The following SLC18A1 variants were observed in gnomAD, a reference collection of about 807,000 sequenced individuals.
SLC18A1 encodes the protein solute carrier family 18 member A1.
Under a neutral mutation model 53.7 loss-of-function variants are expected in SLC18A1, and 69 were observed. The ratio of observed to expected loss-of-function variants is 1.28; its 90% confidence interval spans 1.06 to 1.57. The LOEUF (loss-of-function observed/expected upper bound fraction) is 1.57, where lower values mean the gene tolerates loss of function less well. Ranked by LOEUF, SLC18A1 falls within the 40% of genes most tolerant of loss-of-function variation. SLC18A1 has a pLI of 0.00. For synonymous variants in SLC18A1, 320 were observed against 248.1 expected, an observed-to-expected ratio of 1.29 and a Z score of -2.72; for missense variants, 932 against 668.1, an observed-to-expected ratio of 1.40 and a Z score of -4.35.
chr8:20,158,631 G>T (rs1371254951), intron 10 of SLC18A1, among the ~76,000 whole-genome samples: 2 of 152,170 alleles, frequency 1.3e-5, no homozygotes, highest in African/African-American at 2.4e-5. Flanking sequence ...CCAAGGCCTT[G>T]TAAAACTATG....
At chr8:20,147,517 ACCCTAGGAGGATAGCT>A in intron 14 of SLC18A1, 70 bp downstream of exon 14, 1 of 1,594,084 alleles carries the variant, frequency 6.3e-7, no homozygotes, top group Non-Finnish European at 8.6e-7. Flanking sequence ...GATCTCCAGA[ACCCTAGGAGGATAGCT>A]TCCTGGCTGC....
intron 4 of SLC18A1, among the ~76,000 whole-genome samples, chr8:20,177,657 A>G (rs7002781): frequency 0.21 from 31,198 of 152,112 alleles, 3,350 homozygotes; most frequent in African/African-American, 0.23. Context: ...AAAGAAAAGA[A>G]AAGAAAAACG....
intron 1 of SLC18A1, 37 bp downstream of exon 1, chr8:20,183,026 G>A (rs1475473455): frequency 6.6e-6 from 1 of 152,122 alleles, no homozygotes; most frequent in Non-Finnish European, 1.5e-5. Flanking sequence ...AAATCACAAG[G>A]AAAGATTAAA....
chr8:20,149,536 A>T, intron 12 of SLC18A1, 140 bp downstream of exon 12: 1 of 676,734 alleles, frequency 1.5e-6, no homozygotes, highest in Non-Finnish European at 2.5e-6. Flanking sequence ...ATCTCTGCTC[A>T]TCTTAAAGGA....
At chr8:20,176,723 G>A (rs1254691170) in intron 4 of SLC18A1, among the ~76,000 whole-genome samples, 1 of 152,022 alleles carries the variant, frequency 6.6e-6, no homozygotes, top group South Asian at 2.1e-4. Flanking sequence ...GTTAGAATTA[G>A]GCCAACTCCA....
At chr8:20,155,768 A>G (rs1252128246) in intron 10 of SLC18A1, among the ~76,000 whole-genome samples, 3 of 152,190 alleles carry the variant, frequency 2.0e-5, no homozygotes, top group Middle Eastern at 3.4e-3. Flanking sequence ...TGTATCTCCA[A>G]AGGGGATCTA....
intron 10 of SLC18A1, among the ~76,000 whole-genome samples, chr8:20,152,618 G>A (rs1022498256): frequency 3.3e-5 from 5 of 152,172 alleles, no homozygotes; most frequent in African/African-American, 4.8e-5. Flanking sequence ...TGGGGGGAAC[G>A]TGAGAGGTTT....
In SLC18A1 at chr8:20,165,037, G is replaced by A. The variant is rs372645057; in HGVS notation, c.919+10C>T. The stretch of plus-strand genomic sequence containing the variant: ...ACTCCCCGCCCAATGGGAGGTCATC[G>A]CCAGCTTACCTGCAGCCACCAGGAT... On this transcript the variant is annotated intron_variant, in intron 9 of 15. Transcript: ENST00000276373. 5.9e-5 allele frequency: 95 copies of A among 1,614,010 alleles called. No homozygotes were observed. In the African/African-American group the frequency reaches 6.9e-4, roughly 12 times the overall value.
At position 20,154,512 on chromosome 8, in the gene SLC18A1, G is replaced by T. The variant is rs149719040; in HGVS notation, c.1016-3768C>A. ...GAGATCTTTGAAGGAGAATAGAGAA[G>T]AAATGACTCGGAAGCAACAAAGGAG... On this transcript the variant is annotated intron_variant, in intron 10 of 15. Coordinates refer to ENST00000276373, the MANE Select transcript of SLC18A1 (RefSeq NM_003053.4). Among the ~76,000 whole-genome samples, 15 of 152,316 alleles carry T rather than the reference G, an allele frequency of 9.8e-5. No homozygotes were observed. The East Asian group carries it at 2.9e-3, about 29-fold the overall frequency.
chr8:20,179,615 G>T, intron 2 of SLC18A1, 131 bp from the exon 3 acceptor site: 1 of 1,229,450 alleles, frequency 8.1e-7, no homozygotes, highest in Non-Finnish European at 1.1e-6. Context: ...GCTAAGGACA[G>T]ATGTCATCTT....
rs2072166828 is a variant in SLC18A1 at position 20,173,119 on chromosome 8, A to G, written c.641T>C (p.Met214Thr). The change falls in exon 6 of 16, where the codon ATG becomes ACG. Residue 214 changes from methionine (M) to threonine (T), a missense_variant. Met to Thr is a moderately conservative substitution (Grantham distance 81, BLOSUM62 -1). Transcript: ENST00000276373. ...SSFSSVAGLGMLASVYTDDHE... is the reference protein window; with the variant it reads ...SSFSSVAGLGTLASVYTDDHE... The stretch of plus-strand genomic sequence containing the variant: ...GTCATCAGTGTAGACACTGGCCAGC[A>G]TTCCAAGACCTGCGCAGAGAGTTAC... The G allele has an allele frequency of 1.9e-6, 3 of 1,572,480 alleles. No homozygotes were observed. The highest frequency in any genetic ancestry group is 1.2e-5 in the South Asian group (1 of 85,620).
rs913045956 is a variant in SLC18A1, at chr8:20,173,095, T to G, written c.665A>C (p.Asp222Ala). 1 of 1,580,340 alleles carries G rather than the reference T, an allele frequency of 6.3e-7. No individual in the cohort carries two copies. Residue 222 changes from aspartate (D) to alanine (A), a missense_variant, in exon 6 of 16, where the codon GAC (aspartate) becomes GCC (alanine). By Grantham distance (126) the Asp-to-Ala change is moderately radical. Coordinates refer to ENST00000276373, the MANE Select transcript of SLC18A1 (RefSeq NM_003053.4). ...TCCCATGGCTCGTCCTCTCTCATGG[T>G]CATCAGTGTAGACACTGGCCAGCAT... is the stretch of plus-strand genomic sequence containing the variant. Reference protein sequence around the residue: ...LGMLASVYTDDHERGRAMGTA... With the variant: ...LGMLASVYTDAHERGRAMGTA...
At chr8:20,153,983 G>A (rs143840927) in intron 10 of SLC18A1, among the ~76,000 whole-genome samples, 19 of 152,294 alleles carry the variant, frequency 1.2e-4, no homozygotes, top group African/African-American at 3.1e-4. Context: ...CGTGAATGGC[G>A]TGGTGCTGTC....
intron 8 of SLC18A1, among the ~76,000 whole-genome samples, chr8:20,166,310 TATATATATATATATATATATACAC>T (rs1317878448): frequency 3.2e-5 from 3 of 94,378 alleles, no homozygotes; most frequent in East Asian, 3.7e-4. Flanking sequence ...TATATATATA[TATATATATATATATATATATACAC>T]CACCAGGTGG....
In SLC18A1 at chr8:20,158,025, G is replaced by A. The variant is rs140580051; in HGVS notation, c.1015+6844C>T. On this transcript the variant is annotated intron_variant, in intron 10 of 15. Coordinates refer to ENST00000276373, the MANE Select transcript of SLC18A1 (RefSeq NM_003053.4). ...AATCACTGGAAGGCCCACTGTCCCAGGGGACGAAGGTCCTCTGAGTCAGAA... is the reference window on the plus strand; with the variant it reads ...AATCACTGGAAGGCCCACTGTCCCAAGGGACGAAGGTCCTCTGAGTCAGAA... Among the ~76,000 whole-genome samples, 601 of 152,322 alleles carry A rather than the reference G, an allele frequency of 3.9e-3. 6 individuals carry two copies. The highest frequency in any genetic ancestry group is 0.014 in the African/African-American group (573 of 41,552).
chr8:20,161,929 G>A (rs982499396), intron 10 of SLC18A1, among the ~76,000 whole-genome samples: 6 of 152,268 alleles, frequency 3.9e-5, no homozygotes, highest in East Asian at 3.9e-4. Context: ...CTACAGTTCC[G>A]TGATCTTGGA....
intron 6 of SLC18A1, among the ~76,000 whole-genome samples, chr8:20,172,493 T>A (rs1441144770): frequency 6.6e-6 from 1 of 152,162 alleles, no homozygotes; most frequent in African/African-American, 2.4e-5. Flanking sequence ...ATGTAGCTTG[T>A]CAATTAAGTT....
chr8:20,146,180 G>T (rs937993261), intron 15 of SLC18A1, among the ~76,000 whole-genome samples: 1 of 152,154 alleles, frequency 6.6e-6, no homozygotes, highest in Non-Finnish European at 1.5e-5. Context: ...CTCCTAAAGT[G>T]CTGGGATTAC....
rs377732501 is a variant in SLC18A1 at position 20,145,883 on chromosome 8, A to G, written c.1465-7T>C. ...AGTCCTGACTCAGAATAGCCTGCAG[A>G]GAGAGGCAAGAAGAGAAGCCACTGC... is the stretch of plus-strand genomic sequence containing the variant. On this transcript the variant is annotated splice_region_variant and splice_polypyrimidine_tract_variant and intron_variant, in intron 15 of 15. Coordinates refer to ENST00000276373, the MANE Select transcript of SLC18A1 (RefSeq NM_003053.4). The G allele has an allele frequency of 1.1e-4, 167 of 1,538,432 alleles. 2 individuals carry two copies. The South Asian group carries it at 1.8e-3, about 16-fold the overall frequency.
Sources: allele counts gnomAD v4.1 joint callset (sites outside exome capture counted in the v4.1 genomes callset), GRCh38; gene constraint gnomAD v4.1.1; transcripts MANE v1.5; gene names NCBI Gene and HGNC (gene_info 2026-07-23, HGNC 2026-07-21).